Variants in GALNTL6 observed in about 807,000 individuals in gnomAD.
The protein encoded by GALNTL6 is polypeptide N-acetylgalactosaminyltransferase like 6, also known as polypeptide N-acetylgalactosaminyltransferase-like 6.
In GALNTL6, 46 loss-of-function variants were observed where a neutral mutation model predicts 73.7. The ratio of observed to expected loss-of-function variants is 0.62; its 90% CI spans 0.49 to 0.80. The LOEUF (loss-of-function observed/expected upper bound fraction) is 0.80, where lower values mean the gene tolerates loss of function less well. GALNTL6 is among the 30% of genes least tolerant of loss of function. GALNTL6 has a pLI of 0.00. For missense variants in GALNTL6, 604 were observed against 755.0 expected, an observed-to-expected ratio of 0.80 and a Z score of 2.34; for synonymous variants, 259 against 263.7, an observed-to-expected ratio of 0.98 and a Z score of 0.17.
intron 2 of GALNTL6, among the ~76,000 whole-genome samples, chr4:171,940,961 C>T (rs1052742722): frequency 1.3e-5 from 2 of 150,810 alleles, no homozygotes; most frequent in African/African-American, 2.4e-5. Context: ...TGTGAAGAAT[C>T]GAGAAAATTA....
At chr4:173,001,437 A>G (rs1432234440) in intron 10 of GALNTL6, among the ~76,000 whole-genome samples, 3 of 152,246 alleles carry the variant, frequency 2.0e-5, no homozygotes, top group Non-Finnish European at 2.9e-5. Flanking sequence ...ATAGGGGAAA[A>G]TCTCCATGGC....
intron 2 of GALNTL6, among the ~76,000 whole-genome samples, chr4:172,041,630 A>G (rs756822797): frequency 6.6e-6 from 1 of 152,116 alleles, no homozygotes; most frequent in Non-Finnish European, 1.5e-5. Flanking sequence ...ATAATTGCCT[A>G]CATTAGAACT....
chr4:171,988,409 A>G (rs1209014053), intron 2 of GALNTL6, among the ~76,000 whole-genome samples: 1 of 152,192 alleles, frequency 6.6e-6, no homozygotes, highest in Non-Finnish European at 1.5e-5. Flanking sequence ...GCGGCAGTAC[A>G]GCCCAGGTAA....
At chr4:172,011,867 T>G (rs550336080) in intron 2 of GALNTL6, among the ~76,000 whole-genome samples, 3 of 152,026 alleles carry the variant, frequency 2.0e-5, no homozygotes, top group Non-Finnish European at 4.4e-5. Flanking sequence ...AGAATAGAGA[T>G]AAATTTGCAC....
At chr4:171,863,722 T>C (rs1025745108) in intron 2 of GALNTL6, among the ~76,000 whole-genome samples, 3 of 151,968 alleles carry the variant, frequency 2.0e-5, no homozygotes, top group Admixed American at 2.0e-4. Flanking sequence ...ACAAAGTGCA[T>C]GCATTAAATA....
intron 2 of GALNTL6, among the ~76,000 whole-genome samples, chr4:171,929,185 A>G (rs1738090712): frequency 2.0e-5 from 3 of 151,180 alleles, no homozygotes; most frequent in South Asian, 2.1e-4. Flanking sequence ...TCCCATCTCA[A>G]CCTCCCAAGT....
At chr4:172,210,679 A>T (rs1736294798) in intron 2 of GALNTL6, among the ~76,000 whole-genome samples, 1 of 152,226 alleles carries the variant, frequency 6.6e-6, no homozygotes, top group African/African-American at 2.4e-5. Context: ...TGTCCACTAT[A>T]AAGTTATTCT....
At chr4:172,120,565 A>AG (rs1733120088) in intron 2 of GALNTL6, among the ~76,000 whole-genome samples, 1 of 152,110 alleles carries the variant, frequency 6.6e-6, no homozygotes, top group African/African-American at 2.4e-5. Flanking sequence ...TTTTCCATGT[A>AG]AAGTAACATA....
At chr4:172,735,115 C>T (rs2111400708) in intron 5 of GALNTL6, among the ~76,000 whole-genome samples, 1 of 152,292 alleles carries the variant, frequency 6.6e-6, no homozygotes, top group East Asian at 1.9e-4. Context: ...AGGCCACCAT[C>T]CTCCAGACCC....
chr4:172,116,740 C>A (rs1467451490), intron 2 of GALNTL6, among the ~76,000 whole-genome samples: 1 of 152,096 alleles, frequency 6.6e-6, no homozygotes, highest in Non-Finnish European at 1.5e-5. Flanking sequence ...CTTTTTAAAA[C>A]AGCAAAGTGC....
chr4:172,206,805 G>GTTTGTTTTTT (rs1554003003), intron 2 of GALNTL6, among the ~76,000 whole-genome samples: 396 of 26,142 alleles, frequency 0.015, 6 homozygotes, highest in Middle Eastern at 0.033. Context: ...TTGTTTTTCT[G>GTTTGTTTTTT]TTTTTTTTGT....
At chr4:171,864,566 C>T (rs574791723) in intron 2 of GALNTL6, among the ~76,000 whole-genome samples, 1 of 152,226 alleles carries the variant, frequency 6.6e-6, no homozygotes, top group Non-Finnish European at 1.5e-5. Flanking sequence ...CACACAGAAC[C>T]CAAATTAAAC....
intron 5 of GALNTL6, among the ~76,000 whole-genome samples, chr4:172,365,519 ATATTTGCTAAAGAAAT>A (rs916447638): frequency 1.3e-5 from 2 of 152,138 alleles, no homozygotes; most frequent in African/African-American, 4.8e-5. Flanking sequence ...TTAATAATTA[ATATTTGCTAAAGAAAT>A]TAATAAATCA....
At chr4:173,033,698 T>C (rs1040927622) in intron 12 of GALNTL6, among the ~76,000 whole-genome samples, 1 of 152,218 alleles carries the variant, frequency 6.6e-6, no homozygotes, top group East Asian at 1.9e-4. Context: ...CAAAAGGTTA[T>C]TGTCAGAGAT....
intron 4 of GALNTL6, among the ~76,000 whole-genome samples, chr4:172,329,126 T>G (rs1741038366): frequency 6.6e-6 from 1 of 152,050 alleles, no homozygotes; most frequent in African/African-American, 2.4e-5. Context: ...TTTCTTGAGG[T>G]GGGTGCTCTG....
At chr4:172,687,746 C>T (rs576394861) in intron 5 of GALNTL6, among the ~76,000 whole-genome samples, 32 of 152,118 alleles carry the variant, frequency 2.1e-4, no homozygotes, top group African/African-American at 7.0e-4. Context: ...AAGACTTTAG[C>T]GCTTGGCAGA....
At chr4:172,453,817 C>T (rs898789852) in intron 5 of GALNTL6, among the ~76,000 whole-genome samples, 9 of 152,134 alleles carry the variant, frequency 5.9e-5, no homozygotes, top group Admixed American at 2.0e-4. Context: ...CAGGCCACTG[C>T]GACACCCTTA....
intron 2 of GALNTL6, among the ~76,000 whole-genome samples, chr4:171,969,989 T>A (rs972146849): frequency 6.6e-6 from 1 of 152,172 alleles, no homozygotes; most frequent in Non-Finnish European, 1.5e-5. Flanking sequence ...CATGCTAGTC[T>A]TGAACTCCTG....
chr4:172,060,332 A>G (rs1731158083), intron 2 of GALNTL6, among the ~76,000 whole-genome samples: 1 of 152,140 alleles, frequency 6.6e-6, no homozygotes, highest in South Asian at 2.1e-4. Flanking sequence ...ATGCACACAA[A>G]TATATATACA....
Sources: allele counts gnomAD v4.1 joint callset (sites outside exome capture counted in the v4.1 genomes callset), GRCh38; gene constraint gnomAD v4.1.1; transcripts MANE v1.5; gene names NCBI Gene and HGNC (gene_info 2026-07-23, HGNC 2026-07-21).